Variants in PDCD11 observed in about 807,000 individuals in gnomAD.
PDCD11 encodes programmed cell death 11, also known as protein RRP5 homolog.
Under a neutral mutation model 198.9 loss-of-function variants are expected in PDCD11, and 97 were observed. The ratio of observed to expected loss-of-function variants is 0.49; its 90% CI spans 0.41 to 0.58. The LOEUF is 0.58. Among genes scored for constraint, PDCD11 ranks in the 20% least tolerant of loss-of-function variants. The pLI, the probability that PDCD11 is intolerant of heterozygous loss-of-function variation, is 0.00. For synonymous variants in PDCD11, 893 were observed against 918.0 expected, an observed-to-expected ratio of 0.97 and a Z score of 0.49; for missense variants, 2,102 against 2,312.7, an observed-to-expected ratio of 0.91 and a Z score of 1.87.
At chr10:103,434,688 T>A in intron 24 of PDCD11, 110 bp from the exon 25 acceptor site, 2 of 835,426 alleles carry the variant, frequency 2.4e-6, no homozygotes, top group Non-Finnish European at 1.8e-6. Context: ...TCAGCCCAGA[T>A]ACCCCAAGTC....
At chr10:103,402,581 G>A (rs1305132111) in intron 3 of PDCD11, among the ~76,000 whole-genome samples, 1 of 151,782 alleles carries the variant, frequency 6.6e-6, no homozygotes, top group Admixed American at 6.6e-5. Context: ...TGGAATTACA[G>A]GCACCTGCCA....
intron 13 of PDCD11, among the ~76,000 whole-genome samples, chr10:103,417,351 T>C (rs551745854): frequency 9.2e-5 from 14 of 152,246 alleles, no homozygotes; most frequent in Non-Finnish European, 1.8e-4. Flanking sequence ...TTTGTATTTT[T>C]AGTAGAGATG....
At chr10:103,444,372 C>G in intron 34 of PDCD11, 145 bp from the exon 35 acceptor site, 1 of 783,962 alleles carries the variant, frequency 1.3e-6, no homozygotes, top group African/African-American at 1.7e-5. Context: ...AAACCCACCC[C>G]TTTTGGGTCT....
In PDCD11 at chr10:103,425,216, C is replaced by T. The variant is rs1418429545; in HGVS notation, c.2996C>T (p.Ala999Val). Reference protein sequence around the residue: ...GLLLAVEGPAAKRTMRPTQKD... With the variant: ...GLLLAVEGPAVKRTMRPTQKD... ...CTTTTGGCTGTGGAGGGGCCGGCTGCCAAGAGGACCATGAGGCCGACCCAG... is the reference window on the plus strand; with the variant it reads ...CTTTTGGCTGTGGAGGGGCCGGCTGTCAAGAGGACCATGAGGCCGACCCAG... The change falls in exon 20 of 36, where the codon GCC becomes GTC. Residue 999 changes from alanine (A) to valine (V), a missense_variant. Transcript: ENST00000369797. 6.2e-7 allele frequency: 1 copy of T among 1,614,088 alleles called. No homozygotes were observed. The highest frequency in any genetic ancestry group is 1.1e-5 in the South Asian group (1 of 91,070).
intron 7 of PDCD11, among the ~76,000 whole-genome samples, chr10:103,408,985 G>C (rs759226976): frequency 4.6e-5 from 7 of 152,198 alleles, no homozygotes; most frequent in Non-Finnish European, 8.8e-5. Flanking sequence ...GAGGGTCTAA[G>C]CCTGGCTGCC....
rs766999093 is a variant in PDCD11, at chr10:103,440,563, G to A, written c.4422G>A (p.Arg1474=). 6.2e-7 allele frequency: 1 copy of A among 1,611,256 alleles called. No individual in the cohort carries two copies. The highest frequency in any genetic ancestry group is 1.3e-5 in the African/African-American group (1 of 74,804). Residue 1474 remains arginine, a synonymous_variant, in exon 29 of 36, where the codon CGG becomes CGA. Coordinates refer to ENST00000369797, the MANE Select transcript of PDCD11 (RefSeq NM_014976.2). The stretch of plus-strand genomic sequence containing the variant: ...AGAAGCGGGGCGGGCGGGAGTGCCG[G>A]GAGTCTGGGAGTGAGCAGGTGAGGT... ...QAQKRGGREC[R]ESGSEQERVS...
At chr10:103,440,907 C>T in intron 30 of PDCD11, 57 bp downstream of exon 30, 1 of 1,178,168 alleles carries the variant, frequency 8.5e-7, no homozygotes, top group Non-Finnish European at 1.2e-6. Context: ...AGAGCTGGGC[C>T]ATCCTCTGCC....
At chr10:103,398,582 T>A (rs1246964222) in intron 2 of PDCD11, 54 bp downstream of exon 2, 6 of 1,127,008 alleles carry the variant, frequency 5.3e-6, no homozygotes, top group African/African-American at 1.5e-5. Context: ...CTGTAGTGTC[T>A]TGTGAAAAAT....
chr10:103,445,110 T>C (rs573535329), intron 35 of PDCD11, among the ~76,000 whole-genome samples: 1 of 152,276 alleles, frequency 6.6e-6, no homozygotes, highest in East Asian at 1.9e-4. Context: ...TCCCAGTAGC[T>C]TTGTCTTGAT....
intron 32 of PDCD11, 40 bp from the exon 33 acceptor site, chr10:103,443,125 G>A: frequency 6.5e-7 from 1 of 1,527,680 alleles, no homozygotes; most frequent in African/African-American, 1.4e-5. Flanking sequence ...AGGCTCACTG[G>A]TTTCATGTGG....
chr10:103,443,882 A>G (rs201391656), intron 33 of PDCD11, 33 bp from the exon 34 acceptor site: 6 of 1,608,502 alleles, frequency 3.7e-6, no homozygotes, highest in East Asian at 2.2e-5. Context: ...GTAGTATCAC[A>G]CTCTCCTCAG....
rs1190326377 is a variant in PDCD11, at chr10:103,417,686, G to T, written c.1771-106G>T. ...CACTGCCTCCTGATCTGATCCAAAGGCTCGGTAGATCTCCCAAGTCCTCTG... is the reference window on the plus strand; with the variant it reads ...CACTGCCTCCTGATCTGATCCAAAGTCTCGGTAGATCTCCCAAGTCCTCTG... On this transcript the variant is annotated intron_variant, in intron 13 of 35. Coordinates refer to ENST00000369797, the MANE Select transcript of PDCD11 (RefSeq NM_014976.2). 5.0e-6 allele frequency: 6 copies of T among 1,210,158 alleles called. No homozygotes were observed. The African/African-American group carries it at 9.1e-5, about 18-fold the overall frequency. 75.0% of individuals were successfully genotyped at this position (1,210,158 alleles called of 1,614,324 possible).
chr10:103,438,769 G>T lies in PDCD11; in HGVS notation c.3986G>T (p.Gly1329Val). ...QDIKEGQLLR[G>V]YVGSIQPHGV... ...ATTAAGGAAGGGCAGCTTCTGAGGG[G>T]CTATGTAGGGTCCATCCAGCCACAC... The change falls in exon 27 of 36, where the codon GGC becomes GTC. Residue 1329 changes from glycine to valine, a missense_variant. Coordinates refer to ENST00000369797, the MANE Select transcript of PDCD11 (RefSeq NM_014976.2). 1 of 1,614,128 alleles carries T rather than the reference G, an allele frequency of 6.2e-7. No individual in the cohort carries two copies. Among genetic ancestry groups the T allele is most frequent in the Non-Finnish European group, 8.5e-7 (1 of 1,180,014 alleles).
chr10:103,413,290 A>C lies in PDCD11; in HGVS notation c.1153A>C (p.Arg385=), dbSNP rs1248000407. 5.0e-6 allele frequency: 8 copies of C among 1,614,054 alleles called. No homozygotes were observed. The Admixed American group carries it at 1.2e-4, about 24-fold the overall frequency. ...TTTCAAAAAGGCTGGGGCCACCTTT[A>C]GGCTGAAGGATGGGGTTCTGGCCTA... The part of the protein sequence containing the change: ...GFFKKAGATF[R]LKDGVLAYAR... Residue 385 remains arginine (R), a synonymous_variant, in exon 9 of 36, where the codon AGG becomes CGG. Coordinates refer to ENST00000369797, the MANE Select transcript of PDCD11 (RefSeq NM_014976.2).
chr10:103,413,873 T>C, intron 9 of PDCD11, 93 bp from the exon 10 acceptor site: 1 of 1,212,016 alleles, frequency 8.3e-7, no homozygotes, highest in East Asian at 2.4e-5. Flanking sequence ...TTATGGTACA[T>C]GATAAGTGTT....
chr10:103,423,216 C>T (rs2031539908), intron 18 of PDCD11, 79 bp downstream of exon 18: 4 of 1,389,268 alleles, frequency 2.9e-6, no homozygotes, highest in Non-Finnish European at 3.8e-6. Flanking sequence ...TATAGAATTT[C>T]TAAATACTTA....
At chr10:103,430,828 C>T (rs1407061715) in intron 21 of PDCD11, among the ~76,000 whole-genome samples, 1 of 150,526 alleles carries the variant, frequency 6.6e-6, no homozygotes, top group Non-Finnish European at 1.5e-5. Context: ...AATGGAGTTT[C>T]GCTCTTATTG....
intron 20 of PDCD11, among the ~76,000 whole-genome samples, chr10:103,426,811 G>A (rs1375484628): frequency 6.6e-6 from 1 of 151,522 alleles, no homozygotes; most frequent in African/African-American, 2.4e-5. Flanking sequence ...ATCAGGTGAG[G>A]CTGGGTGTAG....
chr10:103,436,030 CTT>C (rs912238769), intron 25 of PDCD11, among the ~76,000 whole-genome samples: 35 of 137,292 alleles, frequency 2.5e-4, no homozygotes, highest in Admixed American at 3.6e-4. Flanking sequence ...TTGTTTTTTT[CTT>C]TTTTTTTTTT....
Sources: allele counts gnomAD v4.1 joint callset (sites outside exome capture counted in the v4.1 genomes callset), GRCh38; gene constraint gnomAD v4.1.1; transcripts MANE v1.5; gene names NCBI Gene and HGNC (gene_info 2026-07-23, HGNC 2026-07-21).